The following KDM2A variants were observed in gnomAD, a reference collection of about 807,000 sequenced individuals.
The protein encoded by KDM2A is lysine demethylase 2A, also known as lysine-specific demethylase 2A.
A neutral mutation model predicts 137.3 loss-of-function variants in KDM2A; 3 were observed. The ratio of observed to expected loss-of-function variants is 0.02; its 90% confidence interval spans 0.01 to 0.06. The LOEUF is 0.06. Ranked by LOEUF, KDM2A falls within the 10% of genes least tolerant of loss-of-function variation. The pLI is 1.00. For missense variants in KDM2A, 738 were observed against 1,510.6 expected, an observed-to-expected ratio of 0.49 and a Z score of 8.48; for synonymous variants, 512 against 541.5, an observed-to-expected ratio of 0.95 and a Z score of 0.76.
chr11:67,158,177 G>A (rs1031152850), intron 2 of KDM2A, among the ~76,000 whole-genome samples: 22 of 151,958 alleles, frequency 1.4e-4, no homozygotes, highest in Non-Finnish European at 5.9e-5. Flanking sequence ...CTAAAATGTC[G>A]TATAGTTGGA....
chr11:67,251,034 C>T (rs1372309254), intron 17 of KDM2A, among the ~76,000 whole-genome samples: 3 of 152,138 alleles, frequency 2.0e-5, no homozygotes, highest in African/African-American at 7.2e-5. Flanking sequence ...TCCCATGTCT[C>T]ATTGTTATGG....
chr11:67,151,454 C>T (rs1362969211), intron 2 of KDM2A, among the ~76,000 whole-genome samples: 6 of 151,918 alleles, frequency 3.9e-5, no homozygotes, highest in Admixed American at 6.6e-5. Context: ...CATCTCTGCT[C>T]GCTGCACCTT....
At chr11:67,244,340 G>A (rs1859140208) in intron 13 of KDM2A, among the ~76,000 whole-genome samples, 1 of 152,184 alleles carries the variant, frequency 6.6e-6, no homozygotes, top group African/African-American at 2.4e-5. Flanking sequence ...TGAAGTGTCT[G>A]CTATCTACCA....
In KDM2A at chr11:67,245,904, C is replaced by T; in HGVS notation, c.1834-81C>T. 1 of 1,522,468 alleles carries T rather than the reference C, an allele frequency of 6.6e-7. No homozygotes were observed. Among genetic ancestry groups the T allele is most frequent in the Non-Finnish European group, 9.0e-7 (1 of 1,110,610 alleles). 94.3% of individuals were successfully genotyped at this position (1,522,468 alleles called of 1,614,324 possible). A position where few individuals can be genotyped will look rare whatever the true frequency, so the allele number is the denominator to read the frequency against. ...TAGTAGAGAATTATAGGACCCAAAT[C>T]TCCCATCTTCAGTTTAAGGGAAACT... is the stretch of plus-strand genomic sequence containing the variant. On this transcript the variant is annotated intron_variant, in intron 14 of 20. Transcript: ENST00000529006. This position sits in a 1 kb window ranked among gnomAD's most constrained non-coding sequence, Gnocchi z 4.1.
intron 10 of KDM2A, among the ~76,000 whole-genome samples, chr11:67,222,619 A>T (rs868473356): frequency 1.1e-5 from 1 of 91,148 alleles, no homozygotes; most frequent in African/African-American, 4.4e-5. Context: ...GTGGCCGGGC[A>T]GAGGGGCTCC....
At chr11:67,169,414 C>T (rs1856826405) in intron 2 of KDM2A, among the ~76,000 whole-genome samples, 1 of 147,362 alleles carries the variant, frequency 6.8e-6, no homozygotes, top group African/African-American at 2.5e-5. Context: ...AGTTTCGCTC[C>T]TGTTGCCCAG....
At chr11:67,205,002 C>T (rs1002176323) in intron 5 of KDM2A, among the ~76,000 whole-genome samples, 1 of 152,086 alleles carries the variant, frequency 6.6e-6, no homozygotes, top group African/African-American at 2.4e-5. Flanking sequence ...TTGTTCAATT[C>T]TTTTAGATAT....
chr11:67,146,158 A>AT (rs1219145360), intron 2 of KDM2A, among the ~76,000 whole-genome samples: 4 of 150,564 alleles, frequency 2.7e-5, no homozygotes, highest in Non-Finnish European at 5.9e-5. Context: ...CACCCAGCTA[A>AT]TTTTTTTTCT....
At chr11:67,182,554 A>G (rs1857114320) in intron 5 of KDM2A, among the ~76,000 whole-genome samples, 3 of 131,056 alleles carry the variant, frequency 2.3e-5, no homozygotes, top group East Asian at 2.2e-4. Context: ...TTTTTTTGAG[A>G]CGCAGTCTCC....
At chr11:67,151,304 A>AC (rs1241529862) in intron 2 of KDM2A, among the ~76,000 whole-genome samples, 1 of 152,164 alleles carries the variant, frequency 6.6e-6, no homozygotes, top group African/African-American at 2.4e-5. Flanking sequence ...AAATGTGGCT[A>AC]CTATGAATTA....
intron 2 of KDM2A, among the ~76,000 whole-genome samples, chr11:67,179,470 T>G (rs1364151440): frequency 1.3e-5 from 2 of 152,132 alleles, no homozygotes; most frequent in Non-Finnish European, 2.9e-5. Context: ...ACATGGTTTC[T>G]CCGTGTTGGT....
chr11:67,153,367 G>A (rs1437854781), intron 2 of KDM2A, among the ~76,000 whole-genome samples: 1 of 152,168 alleles, frequency 6.6e-6, no homozygotes, highest in Non-Finnish European at 1.5e-5. Context: ...CTGGAACCAG[G>A]TGTATTCCTC....
rs73493536 is a variant in KDM2A, at chr11:67,128,654, T to C, written c.42+7296T>C. On this transcript the variant is annotated intron_variant, in intron 2 of 20. Coordinates refer to ENST00000529006, the MANE Select transcript of KDM2A (RefSeq NM_012308.3). Reference sequence around the variant, plus strand: ...CACAGTAAGCTATATTTTGGGCCCCTAGAATGAGGATTAAATTTAAGCCCT... The same window carrying C: ...CACAGTAAGCTATATTTTGGGCCCCCAGAATGAGGATTAAATTTAAGCCCT... Among the ~76,000 whole-genome samples, 1,424 of 152,226 alleles carry C rather than the reference T, an allele frequency of 9.4e-3. 22 individuals carry two copies. The highest frequency in any genetic ancestry group is 0.032 in the African/African-American group (1,320 of 41,580).
At chr11:67,146,860 G>C (rs979986946) in intron 2 of KDM2A, among the ~76,000 whole-genome samples, 1 of 151,980 alleles carries the variant, frequency 6.6e-6, no homozygotes, top group Non-Finnish European at 1.5e-5. Flanking sequence ...CACTTTCGTG[G>C]ATTTTATCTA....
chr11:67,254,151 C>A lies in KDM2A; in HGVS notation c.3092-52C>A. ...GCTGTTGCTGCCTGGAGCCTTGAAG[C>A]TGGATTAGAGAATTGAGAGTTTTGA... On this transcript the variant is annotated intron_variant, in intron 19 of 20. Transcript: ENST00000529006. The surrounding 1 kb of genome is among the most constrained non-coding windows in gnomAD (Gnocchi z 4.7). 6.5e-7 allele frequency: 1 copy of A among 1,530,612 alleles called. No individual in the cohort carries two copies. Among genetic ancestry groups the A allele is most frequent in the African/African-American group, 1.4e-5 (1 of 73,382 alleles). 94.8% of individuals were successfully genotyped at this position (1,530,612 alleles called of 1,614,324 possible).
chr11:67,157,983 T>G (rs1856555974), intron 2 of KDM2A, among the ~76,000 whole-genome samples: 1 of 152,278 alleles, frequency 6.6e-6, no homozygotes, highest in South Asian at 2.1e-4. Context: ...GTTTATAGTT[T>G]AAATTAGGTT....
At position 67,245,011 on chromosome 11, in the gene KDM2A, T is replaced by G; in HGVS notation, c.1564-178T>G. ...AAAAAAAAAAAAAAAAAGCAGCCATTGATAATACATACACAAGATGAGTTG... is the reference window on the plus strand; with the variant it reads ...AAAAAAAAAAAAAAAAAGCAGCCATGGATAATACATACACAAGATGAGTTG... On this transcript the variant is annotated intron_variant, in intron 13 of 20. Coordinates refer to ENST00000529006, the MANE Select transcript of KDM2A (RefSeq NM_012308.3). The surrounding 1 kb of genome is among the most constrained non-coding windows in gnomAD (Gnocchi z 4.1). 1.6e-6 allele frequency: 1 copy of G among 634,996 alleles called. No individual in the cohort carries two copies. Among genetic ancestry groups the G allele is most frequent in the Non-Finnish European group, 2.7e-6 (1 of 377,212 alleles). 39.3% of individuals were successfully genotyped at this position (634,996 alleles called of 1,614,324 possible).
At chr11:67,151,988 GT>G (rs923244418) in intron 2 of KDM2A, among the ~76,000 whole-genome samples, 3 of 152,078 alleles carry the variant, frequency 2.0e-5, no homozygotes, top group African/African-American at 7.2e-5. Flanking sequence ...TACATTTGAA[GT>G]GATTTACTGG....
At chr11:67,169,818 C>T (rs555195372) in intron 2 of KDM2A, among the ~76,000 whole-genome samples, 4 of 123,580 alleles carry the variant, frequency 3.2e-5, no homozygotes, top group Admixed American at 2.0e-4. Flanking sequence ...AGTACAGTGG[C>T]GAGATCTCGG....
Sources: gnomAD v4.1 joint callset for allele counts (sites outside exome capture counted in the v4.1 genomes callset) on GRCh38, gnomAD v4.1.1 for gene constraint, Gnocchi (gnomAD v3.1) non-coding constraint, MANE v1.5 for transcripts, NCBI Gene and HGNC (gene_info 2026-07-23, HGNC 2026-07-21) for gene names.